The following SCAI variants were observed in gnomAD, a reference collection of about 807,000 sequenced individuals.
SCAI encodes protein SCAI.
SCAI carries 24 observed loss-of-function variants against 92.2 expected under a neutral mutation model. The ratio of observed to expected loss-of-function variants is 0.26; its 90% CI spans 0.19 to 0.37. SCAI has a LOEUF of 0.37. Among genes scored for constraint, SCAI ranks in the 10% least tolerant of loss-of-function variants. The probability of loss-of-function intolerance (pLI) is 1.00; values close to 1 mark genes in which losing one functional copy is unlikely to be tolerated. For synonymous variants in SCAI, 261 were observed against 258.6 expected (o/e 1.01, Z -0.09); for missense variants, 450 against 736.2 (o/e 0.61, Z 4.50).
intron 15 of SCAI, among the ~76,000 whole-genome samples, chr9:124,972,867 G>A (rs1331441855): frequency 6.6e-6 from 1 of 152,196 alleles, no homozygotes. Flanking sequence ...GCTATCTCCA[G>A]CCATCTCCCT....
At chr9:125,105,479 A>T (rs909051536) in intron 2 of SCAI, among the ~76,000 whole-genome samples, 1 of 152,188 alleles carries the variant, frequency 6.6e-6, no homozygotes, top group Non-Finnish European at 1.5e-5. Flanking sequence ...ATCTGTTCTT[A>T]TCAGTTTAAT....
chr9:125,056,175 G>A (rs887612818), intron 2 of SCAI, among the ~76,000 whole-genome samples, 168 bp from the exon 3 acceptor site: 1 of 152,132 alleles, frequency 6.6e-6, no homozygotes, highest in Non-Finnish European at 1.5e-5. Context: ...TAAGAAAACA[G>A]ATCATCTCAG....
rs772993817 is a variant in SCAI at position 125,020,706 on chromosome 9, G to A, written c.576C>T (p.Leu192=). ...GATCCTTTACAACATCCATTTTGTT[G>A]AGAAGAAGACAAACTACTATAAATC... The part of the protein sequence containing the change: ...YARFIVVCLL[L]NKMDVVKDLV... Residue 192 remains leucine, a synonymous_variant, in exon 7 of 18, where the codon CTC becomes CTT. Coordinates refer to ENST00000336505, the MANE Select transcript of SCAI (RefSeq NM_001144877.3). 3.9e-6 allele frequency: 6 copies of A among 1,519,912 alleles called. No homozygotes were observed. The Admixed American group carries it at 1.1e-4, about 29-fold the overall frequency. 94.2% of individuals were successfully genotyped at this position (1,519,912 alleles called of 1,614,324 possible). A position where few individuals can be genotyped will look rare whatever the true frequency, so the allele number is the denominator to read the frequency against.
chr9:125,002,604 T>C (rs968876014), intron 11 of SCAI, among the ~76,000 whole-genome samples: 1 of 151,042 alleles, frequency 6.6e-6, no homozygotes, highest in African/African-American at 2.4e-5. Flanking sequence ...TTCCTCAGCC[T>C]CCCAAGCAGC....
intron 2 of SCAI, among the ~76,000 whole-genome samples, chr9:125,084,661 T>C (rs930208846): frequency 2.6e-5 from 4 of 152,182 alleles, no homozygotes; most frequent in Non-Finnish European, 5.9e-5. Flanking sequence ...ATAGGCCACC[T>C]GCAACCCCTT....
chr9:125,005,069 T>C (rs779509177), intron 9 of SCAI, among the ~76,000 whole-genome samples: 1 of 151,734 alleles, frequency 6.6e-6, no homozygotes, highest in Admixed American at 6.6e-5. Context: ...ATCACAGGCA[T>C]GAGCTACCGC....
intron 5 of SCAI, among the ~76,000 whole-genome samples, chr9:125,027,339 T>C (rs566176326): frequency 6.6e-6 from 1 of 152,286 alleles, no homozygotes; most frequent in African/African-American, 2.4e-5. Flanking sequence ...ATGAATTATG[T>C]TTTACAAGGG....
At chr9:125,014,539 A>G (rs1399435145) in intron 9 of SCAI, among the ~76,000 whole-genome samples, 1 of 152,226 alleles carries the variant, frequency 6.6e-6, no homozygotes, top group African/African-American at 2.4e-5. Flanking sequence ...AGAGGATACA[A>G]ACAAATGAAA....
chr9:125,106,232 TTGTAAG>T (rs1834797509), intron 2 of SCAI, among the ~76,000 whole-genome samples: 1 of 142,652 alleles, frequency 7.0e-6, no homozygotes, highest in South Asian at 2.3e-4. Flanking sequence ...CAGTTTAAAT[TTGTAAG>T]TGTAAGTAAC....
At chr9:125,111,834 G>A (rs1834935678) in intron 2 of SCAI, among the ~76,000 whole-genome samples, 1 of 152,166 alleles carries the variant, frequency 6.6e-6, no homozygotes, top group Non-Finnish European at 1.5e-5. Context: ...GAGGCCCTGA[G>A]TTAAAAAGAT....
rs1831247328 is a variant in SCAI at position 124,952,508 on chromosome 9, C to T, written c.*299G>A. 1 of 225,046 alleles carries T rather than the reference C, an allele frequency of 4.4e-6. No individual in the cohort carries two copies. The highest frequency in any genetic ancestry group is 8.6e-6 in the Non-Finnish European group (1 of 116,290). 13.9% of individuals were successfully genotyped at this position (225,046 alleles called of 1,614,324 possible). A position where few individuals can be genotyped will look rare whatever the true frequency, so the allele number is the denominator to read the frequency against. ...ATTATACAAAAATAAATGATTTACT[C>T]TTCTCAGGGTGAGAATAGTGACTAT... On this transcript the variant is annotated 3_prime_UTR_variant, in exon 18 of 18. Coordinates refer to ENST00000336505, the MANE Select transcript of SCAI (RefSeq NM_001144877.3).
chr9:125,018,765 G>A (rs756810573), intron 9 of SCAI, 34 bp downstream of exon 9: 2 of 1,556,832 alleles, frequency 1.3e-6, no homozygotes, highest in Non-Finnish European at 1.8e-6. Flanking sequence ...TTTTCACAGT[G>A]AATTTTAAGC....
intron 13 of SCAI, among the ~76,000 whole-genome samples, chr9:124,998,080 T>C (rs770173017): frequency 4.6e-5 from 7 of 152,086 alleles, no homozygotes; most frequent in Non-Finnish European, 8.8e-5. Flanking sequence ...GTTGGGATCA[T>C]AGGCATGAGC....
At chr9:125,068,281 G>A (rs995777028) in intron 2 of SCAI, among the ~76,000 whole-genome samples, 2 of 151,770 alleles carry the variant, frequency 1.3e-5, no homozygotes, top group Admixed American at 6.6e-5. Context: ...CAGGAGGATC[G>A]CTTGAGGCTA....
chr9:125,056,710 T>A (rs1833674805), intron 2 of SCAI, among the ~76,000 whole-genome samples: 1 of 152,188 alleles, frequency 6.6e-6, no homozygotes, highest in Non-Finnish European at 1.5e-5. Flanking sequence ...AAACACTTTA[T>A]CCGTGTATTT....
rs1052047663 is a variant in SCAI at position 124,944,348 on chromosome 9, G to C, written c.*8459C>G. Reference sequence around the variant, plus strand: ...GAGTCTTGCTCTGTCACCCAGACTGGAGTGCAATGGCACGATCTCGGCTCA... The same window carrying C: ...GAGTCTTGCTCTGTCACCCAGACTGCAGTGCAATGGCACGATCTCGGCTCA... On this transcript the variant is annotated 3_prime_UTR_variant, in exon 18 of 18. Transcript: ENST00000336505. 6.8e-6 allele frequency: 1 copy of C among 146,502 alleles called. No individual in the cohort carries two copies. Among genetic ancestry groups the C allele is most frequent in the African/African-American group, 2.6e-5 (1 of 38,986 alleles). 9.1% of individuals were successfully genotyped at this position (146,502 alleles called of 1,614,324 possible).
At chr9:125,031,035 G>A (rs1833063286) in intron 3 of SCAI, among the ~76,000 whole-genome samples, 1 of 148,340 alleles carries the variant, frequency 6.7e-6, no homozygotes, top group Non-Finnish European at 1.5e-5. Context: ...GTGAATAGAT[G>A]GAGATGGCCC....
chr9:125,035,922 C>G (rs1429534980), intron 3 of SCAI, among the ~76,000 whole-genome samples: 1 of 152,166 alleles, frequency 6.6e-6, no homozygotes, highest in Admixed American at 6.5e-5. Context: ...AGCCAACCAG[C>G]AGCCCTCGGG....
intron 3 of SCAI, among the ~76,000 whole-genome samples, chr9:125,044,601 C>T (rs1293754149): frequency 2.0e-5 from 3 of 152,208 alleles, no homozygotes; most frequent in Non-Finnish European, 2.9e-5. Flanking sequence ...CAGTTGTCCA[C>T]ATACCTCATT....
Sources: gnomAD v4.1 joint callset for allele counts (sites outside exome capture counted in the v4.1 genomes callset) on GRCh38, gnomAD v4.1.1 for gene constraint, MANE v1.5 for transcripts, NCBI Gene and HGNC (gene_info 2026-07-23, HGNC 2026-07-21) for gene names.